The following CNTNAP3 variants were observed in gnomAD, a reference collection of about 807,000 sequenced individuals.
The protein encoded by CNTNAP3 is contactin-associated protein-like 3.
CNTNAP3 carries 36 observed loss-of-function variants against 92.1 expected under a neutral mutation model. The observed-to-expected ratio is 0.39, with a 90% CI of 0.30 to 0.52. The LOEUF (loss-of-function observed/expected upper bound fraction) is 0.52. Ranked by LOEUF, CNTNAP3 falls within the 20% of genes least tolerant of loss-of-function variation. The pLI, the probability that CNTNAP3 is intolerant of heterozygous loss-of-function variation, is 0.76. For synonymous variants in CNTNAP3, 232 were observed against 422.3 expected, an observed-to-expected ratio of 0.55 and a Z score of 5.53; for missense variants, 534 against 1,069.6, an observed-to-expected ratio of 0.50 and a Z score of 6.98.
intron 4 of CNTNAP3, among the ~76,000 whole-genome samples, chr9:39,178,794 CTT>C (rs1822388573): frequency 7.6e-6 from 1 of 131,850 alleles, no homozygotes; most frequent in Non-Finnish European, 1.7e-5. Flanking sequence ...TTTGGCTTCT[CTT>C]GATTCTTACA....
At chr9:39,147,059 G>T (rs1821721563) in intron 10 of CNTNAP3, among the ~76,000 whole-genome samples, 1 of 152,138 alleles carries the variant, frequency 6.6e-6, no homozygotes, top group Non-Finnish European at 1.5e-5. Context: ...AGAGCTGATG[G>T]TTTTATAAAG....
Position 39,090,141 on chromosome 9 carries a change from G to C in CNTNAP3, c.2996-1494C>G, listed in dbSNP as rs535905684. On this transcript the variant is annotated intron_variant, in intron 18 of 23. Transcript: ENST00000297668. Reference sequence around the variant, plus strand: ...TTTTTAGTAGAGATGGGGTTTCACTGTGTTAGCCAGGATGGTCTCGAACTC... The same window carrying C: ...TTTTTAGTAGAGATGGGGTTTCACTCTGTTAGCCAGGATGGTCTCGAACTC... 2.9e-3 allele frequency among the ~76,000 whole-genome samples: 443 copies of C among 152,150 alleles called. 5 individuals carry two copies. The highest frequency in any genetic ancestry group is 0.01 in the African/African-American group (426 of 41,516).
chr9:39,117,308 G>A (rs888656692), intron 14 of CNTNAP3, among the ~76,000 whole-genome samples: 1 of 151,924 alleles, frequency 6.6e-6, no homozygotes, highest in Non-Finnish European at 1.5e-5. Context: ...TTTTTTTAAA[G>A]CACGTACTCT....
chr9:39,139,202 T>G (rs1198899628), intron 12 of CNTNAP3, among the ~76,000 whole-genome samples: 1 of 152,112 alleles, frequency 6.6e-6, no homozygotes, highest in Non-Finnish European at 1.5e-5. Flanking sequence ...CAGTAGATAC[T>G]TCCCTAACCA....
Position 39,133,070 on chromosome 9 carries a change from TG to T in CNTNAP3, c.1941del (p.Ser648AlafsTer23). On this transcript the variant is annotated frameshift_variant, in exon 13 of 24. Coordinates refer to ENST00000297668, the MANE Select transcript of CNTNAP3 (RefSeq NM_033655.5). LOFTEE classifies it high-confidence loss of function. ...GACACAGCCGAGCGCGGGTGCCCGC[TG>T]GGGGCACCTCGGAGGGTCACCGCGT... ...GPDAVTLRGA[P>X]SGHPRSAVSF... 1.3e-6 allele frequency: 2 copies of T among 1,561,466 alleles called. No homozygotes were observed. Among genetic ancestry groups the T allele is most frequent in the Non-Finnish European group, 8.6e-7 (1 of 1,160,148 alleles).
intron 21 of CNTNAP3, among the ~76,000 whole-genome samples, chr9:39,082,244 TTCA>T: frequency 6.6e-6 from 1 of 152,106 alleles, no homozygotes. Flanking sequence ...TTTACACGTT[TTCA>T]TCATCACAGA....
At chr9:39,116,055 G>A (rs1484551338) in intron 14 of CNTNAP3, among the ~76,000 whole-genome samples, 16 of 152,146 alleles carry the variant, frequency 1.1e-4, no homozygotes, top group African/African-American at 3.6e-4. Context: ...GGGAGGCTGA[G>A]GCAGGAGAAT....
intron 10 of CNTNAP3, among the ~76,000 whole-genome samples, chr9:39,146,034 C>T (rs7035204): frequency 0.22 from 32,262 of 145,200 alleles, 2,315 homozygotes; most frequent in East Asian, 0.27. Context: ...GAGAGAATAA[C>T]TTTAGTTCAA....
At chr9:39,129,535 A>AT (rs1376509982) in intron 13 of CNTNAP3, among the ~76,000 whole-genome samples, 1 of 152,194 alleles carries the variant, frequency 6.6e-6, no homozygotes, top group Non-Finnish European at 1.5e-5. Flanking sequence ...TTTAGGAAAA[A>AT]AATTCAAAAA....
At chr9:39,225,994 T>G (rs903445858) in intron 3 of CNTNAP3, among the ~76,000 whole-genome samples, 1 of 6,184 alleles carries the variant, frequency 1.6e-4, no homozygotes, top group African/African-American at 2.0e-4. Context: ...CTATTGTTTC[T>G]TTAACTAAAC....
intron 12 of CNTNAP3, 57 bp from the exon 13 acceptor site, chr9:39,133,192 A>T (rs1017008253): frequency 1.3e-6 from 2 of 1,515,738 alleles, no homozygotes; most frequent in Non-Finnish European, 1.8e-6. Context: ...CAGCAGCAAG[A>T]GGCAAAGCAG....
chr9:39,086,445 A>G (rs1047081880), intron 20 of CNTNAP3: 3 of 416,498 alleles, frequency 7.2e-6, no homozygotes, highest in African/African-American at 6.5e-5. Flanking sequence ...GAGTAAAGTA[A>G]AACAAATAGA....
At position 39,104,616 on chromosome 9, in the gene CNTNAP3, A is replaced by G. The variant is rs184360565; in HGVS notation, c.2366-702T>C. ...AACCCATCACAGGACTGCACATCACATGTATTCCTCAGGCCTCTTTAGTGT... is the reference window on the plus strand; with the variant it reads ...AACCCATCACAGGACTGCACATCACGTGTATTCCTCAGGCCTCTTTAGTGT... On this transcript the variant is annotated intron_variant, in intron 15 of 23. Transcript: ENST00000297668. 2.5e-3 allele frequency among the ~76,000 whole-genome samples: 373 copies of G among 152,142 alleles called. 3 individuals carry two copies. The highest frequency in any genetic ancestry group is 8.5e-3 in the African/African-American group (351 of 41,504).
intron 9 of CNTNAP3, chr9:39,159,411 A>ATATATATTT (rs545909606): frequency 3.9e-5 from 5 of 129,348 alleles, no homozygotes; most frequent in African/African-American, 1.2e-4. Context: ...ATATATATAT[A>ATATATATTT]TTTTTTTTTC....
intron 9 of CNTNAP3, among the ~76,000 whole-genome samples, chr9:39,162,956 T>A (rs1458174823): frequency 1.2e-5 from 1 of 84,122 alleles, no homozygotes; most frequent in East Asian, 3.8e-4. Context: ...CATGTATACC[T>A]CTGAACCTAA....
At chr9:39,114,265 T>C (rs886505429) in intron 14 of CNTNAP3, among the ~76,000 whole-genome samples, 7 of 151,824 alleles carry the variant, frequency 4.6e-5, no homozygotes, top group African/African-American at 1.7e-4. Context: ...TTTGTATTTT[T>C]AGTAGAGACG....
chr9:39,102,927 C>T (rs1192115384), intron 16 of CNTNAP3, among the ~76,000 whole-genome samples: 1 of 152,038 alleles, frequency 6.6e-6, no homozygotes, highest in Non-Finnish European at 1.5e-5. Context: ...TCAGAGTTCA[C>T]AATTCAACCT....
intron 13 of CNTNAP3, among the ~76,000 whole-genome samples, chr9:39,120,433 C>G (rs759855815): frequency 1.3e-5 from 2 of 152,082 alleles, no homozygotes; most frequent in East Asian, 3.9e-4. Flanking sequence ...CCAGCACTTT[C>G]GGAGGCCGAG....
chr9:39,083,965 CAG>C (rs1374366721), intron 21 of CNTNAP3, among the ~76,000 whole-genome samples: 1 of 151,576 alleles, frequency 6.6e-6, no homozygotes, highest in Non-Finnish European at 1.5e-5. Flanking sequence ...TTGAGGTGCT[CAG>C]AAACAGCATC....
Sources: gnomAD v4.1 joint callset for allele counts (sites outside exome capture counted in the v4.1 genomes callset) on GRCh38, gnomAD v4.1.1 for gene constraint, MANE v1.5 for transcripts, NCBI Gene and HGNC (gene_info 2026-07-23, HGNC 2026-07-21) for gene names.